MARCHF7: variants seen among roughly 807,000 people sequenced by gnomAD.
MARCHF7 encodes the protein membrane associated ring-CH-type finger 7.
MARCHF7 carries 20 observed loss-of-function variants against 76.5 expected under a neutral mutation model. The ratio of observed to expected loss-of-function variants is 0.26; its 90% confidence interval spans 0.18 to 0.38. The LOEUF (loss-of-function observed/expected upper bound fraction) is 0.38. Among genes scored for constraint, MARCHF7 ranks in the 10% least tolerant of loss-of-function variants. The pLI, the probability that MARCHF7 is intolerant of heterozygous loss-of-function variation, is 1.00. For missense variants in MARCHF7, 797 were observed against 812.9 expected, an observed-to-expected ratio of 0.98 and a Z score of 0.24; for synonymous variants, 295 against 293.0, an observed-to-expected ratio of 1.01 and a Z score of -0.07.
rs1158173933 is a variant in MARCHF7 at position 159,745,833 on chromosome 2, C to T, written c.410C>T (p.Thr137Ile). The T allele has an allele frequency of 2.5e-6, 4 of 1,612,604 alleles. No homozygotes were observed. Among genetic ancestry groups the T allele is most frequent in the Non-Finnish European group, 3.4e-6 (4 of 1,178,974 alleles). The change falls in exon 6 of 12, where the codon ACA becomes ATA. Residue 137 changes from threonine (T) to isoleucine (I), a missense_variant. Around this residue, in one of 3 missense-constraint regions of MARCHF7, gnomAD observed 643 missense variants for 631.5 expected, o/e 1.02. Transcript: ENST00000409175. ...TCAATGGTACTTGGATCATTTGGAA[C>T]AGACTTAATGAGAGAGAGGAGAGAT... ...SSSMVLGSFGTDLMRERRDLE... is the reference protein window; with the variant it reads ...SSSMVLGSFGIDLMRERRDLE...
In MARCHF7 at chr2:159,770,946, T is replaced by C. The variant is rs1275432711; in HGVS notation, c.*3604T>C. On this transcript the variant is annotated 3_prime_UTR_variant, in exon 12 of 12. Coordinates refer to ENST00000409175, the MANE Select transcript of MARCHF7 (RefSeq NM_001282805.2). ...TGAGGAAAATTACTCGTTTCAGCTT[T>C]TTCATTTTTTTACTCCCCAAATGAT... The C allele has an allele frequency of 6.6e-6, 1 of 152,208 alleles. No homozygotes were observed. Among genetic ancestry groups the C allele is most frequent in the Non-Finnish European group, 1.5e-5 (1 of 68,006 alleles). 9.4% of individuals were successfully genotyped at this position (152,208 alleles called of 1,614,324 possible).
intron 11 of MARCHF7, among the ~76,000 whole-genome samples, chr2:159,766,663 G>C (rs986148161): frequency 4.6e-5 from 7 of 152,140 alleles, no homozygotes; most frequent in African/African-American, 1.7e-4. Context: ...TGCAAAAGTG[G>C]TAAGTTTCTG....
intron 4 of MARCHF7, among the ~76,000 whole-genome samples, chr2:159,734,886 G>A (rs894432329): frequency 1.6e-4 from 24 of 152,000 alleles, no homozygotes; most frequent in Non-Finnish European, 2.5e-4. Context: ...GGAGGCTGAG[G>A]CAGGAAGATT....
At chr2:159,731,976 C>T (rs934355559) in intron 4 of MARCHF7, among the ~76,000 whole-genome samples, 29 of 144,582 alleles carry the variant, frequency 2.0e-4, no homozygotes, top group East Asian at 6.4e-4. Flanking sequence ...TGGTGGCGGG[C>T]GCCTGTAGTC....
At chr2:159,727,539 G>A (rs1489485175) in intron 3 of MARCHF7, among the ~76,000 whole-genome samples, 5 of 152,144 alleles carry the variant, frequency 3.3e-5, no homozygotes, top group African/African-American at 1.2e-4. Context: ...AGTGAGCCGA[G>A]ATCGTGCCAC....
intron 4 of MARCHF7, among the ~76,000 whole-genome samples, chr2:159,736,986 T>G (rs1165209018): frequency 6.6e-6 from 1 of 152,202 alleles, no homozygotes; most frequent in Non-Finnish European, 1.5e-5. Context: ...ACAGATAGCC[T>G]TTTGAATTGG....
chr2:159,761,518 G>A (rs1360480153), intron 9 of MARCHF7, among the ~76,000 whole-genome samples: 6 of 138,204 alleles, frequency 4.3e-5, no homozygotes, highest in African/African-American at 1.6e-4. Context: ...GGGTTCAAGC[G>A]ATTCTCCTGC....
rs1338380687 is a variant in MARCHF7 at position 159,769,689 on chromosome 2, TTGAAAAA to T, written c.*2353_*2359del. 4 of 152,110 alleles carry T rather than the reference TTGAAAAA, an allele frequency of 2.6e-5. No individual in the cohort carries two copies. Among genetic ancestry groups the T allele is most frequent in the African/African-American group, 9.7e-5 (4 of 41,412 alleles). The allele number at this position is 152,110 out of a possible 1,614,324, so 9.4% of individuals were successfully genotyped here. A position where few individuals can be genotyped will look rare whatever the true frequency, so the allele number is the denominator to read the frequency against. ...TCATTACCAGAGGCCTCTTGGCCTG[TTGAAAAA>T]TGAAACCAAATATTGAAAATTAAAT... On this transcript the variant is annotated 3_prime_UTR_variant, in exon 12 of 12. Transcript: ENST00000409175.
chr2:159,720,112 G>A (rs1028936028), intron 3 of MARCHF7, among the ~76,000 whole-genome samples: 4 of 151,940 alleles, frequency 2.6e-5, no homozygotes, highest in African/African-American at 7.3e-5. Context: ...TGCAACCTCC[G>A]CCTCCTGGAT....
At chr2:159,764,537 T>C in intron 10 of MARCHF7, 89 bp from the exon 11 acceptor site, 2 of 1,003,786 alleles carry the variant, frequency 2.0e-6, no homozygotes, top group South Asian at 4.6e-5. Context: ...TTTGACTTTT[T>C]AAGTAGAAAT....
intron 3 of MARCHF7, 105 bp downstream of exon 3, chr2:159,715,871 C>G (rs1474785303): frequency 3.9e-5 from 6 of 152,098 alleles, no homozygotes; most frequent in Admixed American, 3.9e-4. Flanking sequence ...GTTATCTTTC[C>G]ATTATGATCA....
At chr2:159,729,996 T>C (rs564240296) in intron 4 of MARCHF7, among the ~76,000 whole-genome samples, 1 of 152,376 alleles carries the variant, frequency 6.6e-6, no homozygotes, top group South Asian at 2.1e-4. Context: ...TTAAATTTGA[T>C]TTTTATGGTG....
intron 4 of MARCHF7, among the ~76,000 whole-genome samples, chr2:159,734,946 C>T (rs898162033): frequency 1.3e-5 from 2 of 151,984 alleles, no homozygotes; most frequent in African/African-American, 4.8e-5. Flanking sequence ...CATGCAATTG[C>T]ACTCCAGCTT....
At position 159,748,759 on chromosome 2, in the gene MARCHF7, C is replaced by T. The variant is rs780595721; in HGVS notation, c.1469C>T (p.Pro490Leu). The T allele has an allele frequency of 6.2e-7, 1 of 1,614,146 alleles. No homozygotes were observed. Among genetic ancestry groups the T allele is most frequent in the Non-Finnish European group, 8.5e-7 (1 of 1,180,032 alleles). ...TCCTTATTCCGGTTTGCAGTCCCTC[C>T]AGCACTTGGGAGTAATTTGACCGAC... ...PGSLFRFAVP[P>L]ALGSNLTDNV... The change falls in exon 7 of 12, where the codon CCA becomes CTA. Residue 490 changes from proline (P) to leucine (L), a missense_variant. Physicochemically the swap from Pro to Leu is moderately conservative, Grantham distance 98. Around this residue, in one of 3 missense-constraint regions of MARCHF7, gnomAD observed 643 missense variants for 631.5 expected, o/e 1.02. Coordinates refer to ENST00000409175, the MANE Select transcript of MARCHF7 (RefSeq NM_001282805.2).
chr2:159,762,034 G>A (rs189076915), intron 9 of MARCHF7, among the ~76,000 whole-genome samples: 2 of 152,238 alleles, frequency 1.3e-5, no homozygotes, highest in East Asian at 3.9e-4. Context: ...TACGCCACTT[G>A]CTTTGGGGCC....
intron 8 of MARCHF7, among the ~76,000 whole-genome samples, chr2:159,754,029 A>G (rs2125652815): frequency 6.6e-6 from 1 of 152,318 alleles, no homozygotes; most frequent in Non-Finnish European, 1.5e-5. Flanking sequence ...TGAGCTACTT[A>G]TTAGATAACC....
chr2:159,717,048 G>T (rs1701117748), intron 3 of MARCHF7, among the ~76,000 whole-genome samples: 1 of 152,156 alleles, frequency 6.6e-6, no homozygotes, highest in Non-Finnish European at 1.5e-5. Flanking sequence ...ATCCAAGATG[G>T]CATCACTCAT....
intron 7 of MARCHF7, among the ~76,000 whole-genome samples, chr2:159,751,793 C>G (rs1705681227): frequency 1.3e-5 from 2 of 152,148 alleles, no homozygotes; most frequent in Non-Finnish European, 2.9e-5. Flanking sequence ...TTAATGGAAT[C>G]TTTTATAAGA....
intron 6 of MARCHF7, 22 bp downstream of exon 6, chr2:159,745,959 T>G (rs1704822563): frequency 1.3e-6 from 2 of 1,587,400 alleles, no homozygotes; most frequent in Non-Finnish European, 1.7e-6. Context: ...TTACATCAAG[T>G]ATAACTTCTC....
Sources: gnomAD v4.1 joint callset for allele counts (sites outside exome capture counted in the v4.1 genomes callset) on GRCh38, gnomAD v4.1.1 for gene constraint, gnomAD v4.1.1 regional missense constraint, MANE v1.5 for transcripts, NCBI Gene and HGNC (gene_info 2026-07-23, HGNC 2026-07-21) for gene names.